The following KAT6B variants were observed in gnomAD, a reference collection of about 807,000 sequenced individuals.
The protein encoded by KAT6B is lysine acetyltransferase 6B.
KAT6B carries 10 observed loss-of-function variants against 187.5 expected under a neutral mutation model. The observed-to-expected ratio is 0.05, with a 90% confidence interval of 0.03 to 0.09. KAT6B has a LOEUF of 0.09. Among genes scored for constraint, KAT6B ranks in the 10% least tolerant of loss-of-function variants. The pLI is 1.00. For synonymous variants in KAT6B, 861 were observed against 926.8 expected, an observed-to-expected ratio of 0.93 and a Z score of 1.29; for missense variants, 1,952 against 2,558.9, an observed-to-expected ratio of 0.76 and a Z score of 5.12.
intron 1 of KAT6B, among the ~76,000 whole-genome samples, chr10:74,829,389 T>A (rs971636288): frequency 6.6e-6 from 1 of 152,186 alleles, no homozygotes; most frequent in African/African-American, 2.4e-5. Context: ...CCTAGTTCTC[T>A]ACAGTGTACC....
chr10:74,983,989 C>T (rs1842674850), intron 11 of KAT6B: 1 of 152,184 alleles, frequency 6.6e-6, no homozygotes, highest in Non-Finnish European at 1.5e-5. Context: ...TTTTCTTCAG[C>T]ACTGTCATCT....
intron 3 of KAT6B, among the ~76,000 whole-genome samples, chr10:74,861,335 C>A (rs1357837637): frequency 2.6e-5 from 4 of 152,194 alleles, no homozygotes; most frequent in Non-Finnish European, 5.9e-5. Flanking sequence ...CTAATACATA[C>A]AGCTGTTATT....
chr10:75,017,418 A>G (rs1845058515), intron 13 of KAT6B, among the ~76,000 whole-genome samples: 2 of 152,200 alleles, frequency 1.3e-5, no homozygotes, highest in Admixed American at 6.5e-5. Context: ...GTTCGAGACC[A>G]GCCTGGGCAA....
At position 74,857,611 on chromosome 10, in the gene KAT6B, A is replaced by G. The variant is rs193167935; in HGVS notation, c.621+14133A>G. Reference sequence around the variant, plus strand: ...GAAGTAGACATTTTTGGGGGAGCCCATTATTTTGCCTGCCACACAGGGTTT... The same window carrying G: ...GAAGTAGACATTTTTGGGGGAGCCCGTTATTTTGCCTGCCACACAGGGTTT... On this transcript the variant is annotated intron_variant, in intron 3 of 17. Transcript: ENST00000287239. Among the ~76,000 whole-genome samples, 22 of 152,324 alleles carry G rather than the reference A, an allele frequency of 1.4e-4. No individual in the cohort carries two copies. In the East Asian group the frequency reaches 4.0e-3, roughly 28 times the overall value.
intron 3 of KAT6B, among the ~76,000 whole-genome samples, chr10:74,869,916 C>T (rs1429577241): frequency 6.6e-6 from 1 of 152,146 alleles, no homozygotes; most frequent in Non-Finnish European, 1.5e-5. Context: ...TGAAGGGCAT[C>T]TGTGGTGATC....
At chr10:74,901,966 A>AG (rs918756492) in intron 3 of KAT6B, among the ~76,000 whole-genome samples, 1 of 152,186 alleles carries the variant, frequency 6.6e-6, no homozygotes. Context: ...AAGAAGTGCT[A>AG]GGAGGACTGC....
At chr10:74,833,179 A>C (rs1841009206) in intron 1 of KAT6B, among the ~76,000 whole-genome samples, 1 of 151,564 alleles carries the variant, frequency 6.6e-6, no homozygotes, top group Admixed American at 6.6e-5. Flanking sequence ...TTCCCTTAAT[A>C]CATTATTCTC....
chr10:74,839,278 T>C (rs1841550032), intron 2 of KAT6B, among the ~76,000 whole-genome samples: 1 of 151,124 alleles, frequency 6.6e-6, no homozygotes, highest in Non-Finnish European at 1.5e-5. Context: ...TTGCCGAGGC[T>C]GGAGTACAAT....
rs973421458 is a variant in KAT6B at position 74,829,459 on chromosome 10, T to G, written c.-329+2674T>G. Among the ~76,000 whole-genome samples the G allele has an allele frequency of 3.3e-5, 5 of 151,378 alleles. No individual in the cohort carries two copies. In the East Asian group the frequency reaches 9.7e-4, roughly 29 times the overall value. ...TGTACTGAGAGAAAAGGAAATAGTT[T>G]TTTTTTTTTTTTTGAGACAGTCTTG... On this transcript the variant is annotated intron_variant, in intron 1 of 17. Transcript: ENST00000287239.
At position 75,028,473 on chromosome 10, in the gene KAT6B, T is replaced by C. The variant is rs1363606758; in HGVS notation, c.3665-16T>C. ...AGACTGTTTTTTTTCCTTCCCGTTT[T>C]TGTCTCTTCACTAAGACAATATGAA... On this transcript the variant is annotated splice_polypyrimidine_tract_variant and intron_variant, in intron 17 of 17. Coordinates refer to ENST00000287239, the MANE Select transcript of KAT6B (RefSeq NM_012330.4). 1 of 1,614,082 alleles carries C rather than the reference T, an allele frequency of 6.2e-7. No homozygotes were observed. Among genetic ancestry groups the C allele is most frequent in the East Asian group, 2.2e-5 (1 of 44,906 alleles).
intron 3 of KAT6B, among the ~76,000 whole-genome samples, chr10:74,928,401 A>G (rs1848645669): frequency 6.6e-6 from 1 of 152,232 alleles, no homozygotes; most frequent in South Asian, 2.1e-4. Context: ...ATGCATGTGA[A>G]ACAGAGAATG....
chr10:74,912,214 AC>A (rs1207457646), intron 3 of KAT6B, among the ~76,000 whole-genome samples: 6 of 152,032 alleles, frequency 3.9e-5, no homozygotes, highest in Non-Finnish European at 8.8e-5. Flanking sequence ...TTCCTCCTAA[AC>A]ATTTCTTCAA....
chr10:74,969,813 G>T, intron 5 of KAT6B, 38 bp downstream of exon 5: 1 of 1,413,446 alleles, frequency 7.1e-7, no homozygotes, highest in Non-Finnish European at 1.0e-6. Context: ...CAGGTAACTC[G>T]CTAATTTCCA....
intron 9 of KAT6B, 105 bp from the exon 10 acceptor site, chr10:74,979,119 A>G: frequency 1.3e-6 from 1 of 764,100 alleles, no homozygotes; most frequent in East Asian, 2.7e-5. Context: ...TTCACAATTA[A>G]GATTAGTGTT....
At chr10:74,860,964 C>T (rs1041100791) in intron 3 of KAT6B, among the ~76,000 whole-genome samples, 6 of 152,192 alleles carry the variant, frequency 3.9e-5, no homozygotes, top group South Asian at 2.1e-4. Context: ...ATGGAGAAAC[C>T]CCGTCTCTAC....
intron 3 of KAT6B, among the ~76,000 whole-genome samples, chr10:74,959,661 G>A (rs1196663581): frequency 2.6e-5 from 4 of 152,072 alleles, no homozygotes; most frequent in Non-Finnish European, 4.4e-5. Flanking sequence ...ATAGTGGCGC[G>A]CATCTGTAAT....
rs140296562 is a variant in KAT6B, at chr10:74,872,531, A to G, written c.621+29053A>G. On this transcript the variant is annotated intron_variant, in intron 3 of 17. Transcript: ENST00000287239. Reference sequence around the variant, plus strand: ...GGTGGGACTACAGTTGTGTACCACCATGGCTGGCAAAGTTTTAAAGTTTTT... The same window carrying G: ...GGTGGGACTACAGTTGTGTACCACCGTGGCTGGCAAAGTTTTAAAGTTTTT... Among the ~76,000 whole-genome samples the G allele has an allele frequency of 3.3e-4, 50 of 152,194 alleles. 2 individuals are homozygous for G. The East Asian group carries it at 9.7e-3, about 29-fold the overall frequency.
chr10:74,879,955 C>A lies in KAT6B; in HGVS notation c.621+36477C>A, dbSNP rs149369447. On this transcript the variant is annotated intron_variant, in intron 3 of 17. Coordinates refer to ENST00000287239, the MANE Select transcript of KAT6B (RefSeq NM_012330.4). ...ACTAAAAATACAAAAATTAGCTGGACATGGTGACAGGCACCTATAGCTGAG... is the reference window on the plus strand; with the variant it reads ...ACTAAAAATACAAAAATTAGCTGGAAATGGTGACAGGCACCTATAGCTGAG... Among the ~76,000 whole-genome samples the A allele has an allele frequency of 2.2e-3, 340 of 152,172 alleles. 1 individual carries two copies. The highest frequency in any genetic ancestry group is 7.8e-3 in the African/African-American group (324 of 41,496).
chr10:74,928,996 G>T (rs1384363873), intron 3 of KAT6B, among the ~76,000 whole-genome samples: 2 of 152,090 alleles, frequency 1.3e-5, no homozygotes, highest in African/African-American at 2.4e-5. Flanking sequence ...TCTCACCATG[G>T]TCAAGATTTG....
Sources: allele counts gnomAD v4.1 joint callset (sites outside exome capture counted in the v4.1 genomes callset), GRCh38; gene constraint gnomAD v4.1.1; transcripts MANE v1.5; gene names NCBI Gene and HGNC (gene_info 2026-07-23, HGNC 2026-07-21).